GAPVD1: variants seen among roughly 807,000 people sequenced by gnomAD.
GAPVD1 encodes the protein GTPase activating protein and VPS9 domains 1, also known as GTPase-activating protein and VPS9 domain-containing protein 1.
Under a neutral mutation model 155.5 loss-of-function variants are expected in GAPVD1, and 35 were observed. The ratio of observed to expected loss-of-function variants is 0.23; its 90% CI spans 0.17 to 0.30. GAPVD1 has a LOEUF of 0.30. Among genes scored for constraint, GAPVD1 ranks in the 10% least tolerant of loss-of-function variants. GAPVD1 has a pLI of 1.00. For synonymous variants in GAPVD1, 636 were observed against 619.7 expected, an observed-to-expected ratio of 1.03 and a Z score of -0.39; for missense variants, 1,429 against 1,775.7, an observed-to-expected ratio of 0.80 and a Z score of 3.51.
chr9:125,340,809 G>A (rs1006828052), intron 17 of GAPVD1, among the ~76,000 whole-genome samples: 8 of 152,272 alleles, frequency 5.3e-5, no homozygotes, highest in African/African-American at 9.6e-5. Context: ...AGTCACCTAC[G>A]TGGCAATAAG....
At chr9:125,276,143 A>G (rs184680176) in intron 2 of GAPVD1, among the ~76,000 whole-genome samples, 74 of 152,286 alleles carry the variant, frequency 4.9e-4, no homozygotes, top group African/African-American at 1.7e-3. Flanking sequence ...ACTATCTGAC[A>G]TTATATTACC....
Position 125,275,729 on chromosome 9 carries a change from C to T in GAPVD1, c.-150+6745C>T, listed in dbSNP as rs559926477. Reference sequence around the variant, plus strand: ...TGTGATCTAGCCACTGCACTCTAGCCTGGGGGACAGAGCGAGACTCTTTCT... The same window carrying T: ...TGTGATCTAGCCACTGCACTCTAGCTTGGGGGACAGAGCGAGACTCTTTCT... On this transcript the variant is annotated intron_variant, in intron 2 of 27. Coordinates refer to ENST00000297933, the MANE Select transcript of GAPVD1 (RefSeq NM_001282680.3). Among the ~76,000 whole-genome samples the T allele has an allele frequency of 9.9e-5, 15 of 152,090 alleles. No homozygotes were observed. The East Asian group carries it at 2.9e-3, about 29-fold the overall frequency.
At chr9:125,286,998 C>T (rs910530319) in intron 2 of GAPVD1, among the ~76,000 whole-genome samples, 1 of 151,914 alleles carries the variant, frequency 6.6e-6, no homozygotes, top group African/African-American at 2.4e-5. Context: ...GCAGGACAAT[C>T]GCTTGAACCC....
At chr9:125,313,990 GC>G (rs1316306637) in intron 9 of GAPVD1, among the ~76,000 whole-genome samples, 1 of 152,202 alleles carries the variant, frequency 6.6e-6, no homozygotes, top group Non-Finnish European at 1.5e-5. Flanking sequence ...CAGTTGTGAG[GC>G]CCTTCACATT....
At position 125,363,343 on chromosome 9, in the gene GAPVD1, T is replaced by C. The variant is rs984548039; in HGVS notation, c.*597T>C. On this transcript the variant is annotated 3_prime_UTR_variant, in exon 28 of 28. Coordinates refer to ENST00000297933, the MANE Select transcript of GAPVD1 (RefSeq NM_001282680.3). Reference sequence around the variant, plus strand: ...CTATTGCTGATAGTAGGCTGTGACATACTGTCTTGTGAAATGGTTTCCTTG... The same window carrying C: ...CTATTGCTGATAGTAGGCTGTGACACACTGTCTTGTGAAATGGTTTCCTTG... 2.0e-5 allele frequency: 3 copies of C among 152,216 alleles called. No individual in the cohort carries two copies. Among genetic ancestry groups the C allele is most frequent in the Non-Finnish European group, 4.4e-5 (3 of 68,044 alleles). 9.4% of individuals were successfully genotyped at this position (152,216 alleles called of 1,614,324 possible).
At chr9:125,308,128 A>G (rs922396466) in intron 8 of GAPVD1, 29 of 549,630 alleles carry the variant, frequency 5.3e-5, no homozygotes, top group Non-Finnish European at 8.6e-5. Flanking sequence ...CTTTCTTTAA[A>G]TTTTATTGTC....
In GAPVD1 at chr9:125,337,041, CCTT is replaced by C; in HGVS notation, c.2455_2457del (p.Ser819del). 2.5e-6 allele frequency: 4 copies of C among 1,612,704 alleles called. No homozygotes were observed. Among genetic ancestry groups the C allele is most frequent in the East Asian group, 2.2e-5 (1 of 44,874 alleles). On this transcript the variant is annotated inframe_deletion, in exon 16 of 28. Coordinates refer to ENST00000297933, the MANE Select transcript of GAPVD1 (RefSeq NM_001282680.3). ...AGGTGCCCACCAGCTGACCTCTCCT[CCTT>C]CTCAGTCAGAGTCTCTGCTGGCCAT...
chr9:125,354,506 A>C, intron 23 of GAPVD1, 148 bp from the exon 24 acceptor site: 1 of 546,244 alleles, frequency 1.8e-6, no homozygotes, highest in East Asian at 2.8e-5. Context: ...GCTACTTTGT[A>C]TATGTGCTAC....
chr9:125,265,980 A>G (rs1364043813), intron 1 of GAPVD1, among the ~76,000 whole-genome samples: 1 of 150,290 alleles, frequency 6.7e-6, no homozygotes, highest in Non-Finnish European at 1.5e-5. Flanking sequence ...AGGAAAAAAA[A>G]ACTGTTGGTT....
chr9:125,281,993 A>T (rs866688021), intron 2 of GAPVD1, among the ~76,000 whole-genome samples: 52 of 152,222 alleles, frequency 3.4e-4, no homozygotes, highest in East Asian at 7.7e-4. Context: ...GCTAATTTTT[A>T]AAAAATTTTA....
At chr9:125,295,765 T>G (rs1315125720) in intron 3 of GAPVD1, among the ~76,000 whole-genome samples, 191 bp downstream of exon 3, 1 of 152,100 alleles carries the variant, frequency 6.6e-6, no homozygotes, top group Non-Finnish European at 1.5e-5. Flanking sequence ...AAGTTGTGTT[T>G]GAAGACTTTA....
At chr9:125,361,468 G>A (rs1589152696) in intron 27 of GAPVD1, among the ~76,000 whole-genome samples, 1 of 149,824 alleles carries the variant, frequency 6.7e-6, no homozygotes, top group African/African-American at 2.5e-5. Context: ...AGCTTGTAGT[G>A]AGCCGAGATC....
intron 25 of GAPVD1, among the ~76,000 whole-genome samples, chr9:125,357,123 C>CCCCT (rs1850197317): frequency 6.6e-6 from 1 of 152,178 alleles, no homozygotes; most frequent in Non-Finnish European, 1.5e-5. Context: ...CCTGGCCTCT[C>CCCCT]CCCTGTTCTT....
At position 125,284,848 on chromosome 9, in the gene GAPVD1, G is replaced by A. The variant is rs190968540; in HGVS notation, c.-149-10610G>A. Among the ~76,000 whole-genome samples, 435 of 152,290 alleles carry A rather than the reference G, an allele frequency of 2.9e-3. 3 individuals are homozygous for A. Among genetic ancestry groups the A allele is most frequent in the African/African-American group, 0.01 (418 of 41,562 alleles). ...CTAGGCAATTATAACATAATAGTAA[G>A]TGTTTGTGTATCTAAACAAGAAAAA... On this transcript the variant is annotated intron_variant, in intron 2 of 27. Coordinates refer to ENST00000297933, the MANE Select transcript of GAPVD1 (RefSeq NM_001282680.3).
chr9:125,317,164 A>G (rs1843544333), intron 9 of GAPVD1, among the ~76,000 whole-genome samples: 1 of 151,712 alleles, frequency 6.6e-6, no homozygotes, highest in African/African-American at 2.4e-5. Flanking sequence ...CTAAAAATAC[A>G]AAAATTAGCC....
rs917329188 is a variant in GAPVD1, at chr9:125,295,053, A to G, written c.-149-405A>G. ...ACTTAGCTACATACTAGATATGTCA[A>G]TACTTTTCTCAACTGTCAAATGAGG... On this transcript the variant is annotated intron_variant, in intron 2 of 27. Transcript: ENST00000297933. Among the ~76,000 whole-genome samples, 56 of 151,808 alleles carry G rather than the reference A, an allele frequency of 3.7e-4. 1 individual carries two copies. The highest frequency in any genetic ancestry group is 7.4e-5 in the Non-Finnish European group (5 of 67,996).
intron 23 of GAPVD1, among the ~76,000 whole-genome samples, chr9:125,353,387 C>T (rs1172076495): frequency 6.6e-6 from 1 of 152,190 alleles, no homozygotes; most frequent in East Asian, 1.9e-4. Flanking sequence ...TTCAACAAAT[C>T]TCTAGGAAGT....
At chr9:125,291,131 TAGA>T (rs1383417531) in intron 2 of GAPVD1, among the ~76,000 whole-genome samples, 5 of 150,734 alleles carry the variant, frequency 3.3e-5, no homozygotes, top group African/African-American at 9.8e-5. Context: ...TCAAGAAAAA[TAGA>T]AGAAGATAGC....
At chr9:125,304,063 TTGTC>T (rs1398827606) in intron 5 of GAPVD1, 1 of 152,004 alleles carries the variant, frequency 6.6e-6, no homozygotes, top group Non-Finnish European at 1.5e-5. Context: ...TTTTTTTTGT[TTGTC>T]TGTTTGTTTT....
Sources: gnomAD v4.1 joint callset for allele counts (sites outside exome capture counted in the v4.1 genomes callset) on GRCh38, gnomAD v4.1.1 for gene constraint, MANE v1.5 for transcripts, NCBI Gene and HGNC (gene_info 2026-07-23, HGNC 2026-07-21) for gene names.